Variants in TOP6BL observed in about 807,000 individuals in gnomAD.
TOP6BL encodes the protein type 2 DNA topoisomerase 6 subunit B-like.
chr11:66,800,701 G>A, the TOP6BL span: 1 of 1,598,116 alleles, frequency 6.3e-7, no homozygotes, highest in Non-Finnish European at 8.5e-7. Flanking sequence ...CTTTGGGTAA[G>A]TTCTTAGGTC....
the TOP6BL span, among the ~76,000 whole-genome samples, chr11:66,794,159 T>C: frequency 6.7e-6 from 1 of 150,156 alleles, no homozygotes; most frequent in South Asian, 2.1e-4. Flanking sequence ...ATTGTAATAG[T>C]TTATCCTTCT....
At chr11:66,843,379 G>A in the TOP6BL span, 19 of 1,432,772 alleles carry the variant, frequency 1.3e-5, no homozygotes, top group East Asian at 4.8e-4. Flanking sequence ...GGCGGGGCGT[G>A]GAGCCGCGCC....
At chr11:66,841,243 G>A in the TOP6BL span, among the ~76,000 whole-genome samples, 1 of 150,384 alleles carries the variant, frequency 6.6e-6, no homozygotes, top group Admixed American at 6.7e-5. Flanking sequence ...CTCAGCCTCT[G>A]AGTAGTTGGG....
the TOP6BL span, chr11:66,800,958 G>A: frequency 7.2e-6 from 11 of 1,534,638 alleles, no homozygotes; most frequent in East Asian, 2.3e-5. Context: ...GTAGTCATGG[G>A]CCAAAATTTA....
At chr11:66,788,319 T>C in the TOP6BL span, 2 of 1,315,912 alleles carry the variant, frequency 1.5e-6, no homozygotes, top group Non-Finnish European at 2.2e-6. Flanking sequence ...ATTCTTATTT[T>C]TCTGCAATCT....
the TOP6BL span, among the ~76,000 whole-genome samples, chr11:66,824,130 A>C: frequency 1.3e-5 from 2 of 152,178 alleles, no homozygotes; most frequent in Non-Finnish European, 2.9e-5. Context: ...TATATCCCCA[A>C]AATTCATATG....
the TOP6BL span, among the ~76,000 whole-genome samples, chr11:66,777,861 G>A: frequency 1.3e-5 from 2 of 152,116 alleles, no homozygotes; most frequent in Non-Finnish European, 2.9e-5. Flanking sequence ...ATCAAAGCAA[G>A]ACTCCATCCC....
chr11:66,832,530 T>A, the TOP6BL span, among the ~76,000 whole-genome samples: 1 of 152,348 alleles, frequency 6.6e-6, no homozygotes, highest in East Asian at 1.9e-4. Flanking sequence ...CAAAGCATCT[T>A]ATGGACTTTA....
chr11:66,799,718 CA>C, the TOP6BL span, among the ~76,000 whole-genome samples: 7,010 of 136,312 alleles, frequency 0.051, 205 homozygotes, highest in Non-Finnish European at 0.078. Context: ...AACTCCGTCT[CA>C]AAAAAAAAAA....
chr11:66,836,960 A>G, the TOP6BL span, among the ~76,000 whole-genome samples: 1 of 151,642 alleles, frequency 6.6e-6, no homozygotes, highest in South Asian at 2.1e-4. Context: ...CAGTCTCCCA[A>G]AGTGCTGGGA....
At chr11:66,819,401 T>A in the TOP6BL span, among the ~76,000 whole-genome samples, 1 of 152,198 alleles carries the variant, frequency 6.6e-6, no homozygotes, top group East Asian at 1.9e-4. Context: ...AAAACCAAAC[T>A]ATGGAAAATA....
the TOP6BL span, chr11:66,838,542 A>G: frequency 8.9e-7 from 1 of 1,126,964 alleles, no homozygotes; most frequent in East Asian, 2.6e-5. Context: ...ACCTTCTACT[A>G]CAGCGGCGTC....
the TOP6BL span, chr11:66,816,074 G>A: frequency 2.5e-6 from 4 of 1,603,012 alleles, no homozygotes; most frequent in South Asian, 1.1e-5. Flanking sequence ...CCAGATGTGA[G>A]TTATCAGGTG....
At chr11:66,762,847 A>T in the TOP6BL span, among the ~76,000 whole-genome samples, 1 of 152,214 alleles carries the variant, frequency 6.6e-6, no homozygotes, top group Admixed American at 6.5e-5. Context: ...TACTCTAAAG[A>T]CACAAATATA....
chr11:66,796,769 C>T, the TOP6BL span, among the ~76,000 whole-genome samples: 5 of 141,984 alleles, frequency 3.5e-5, no homozygotes, highest in South Asian at 2.2e-4. Flanking sequence ...GGTGACAGAG[C>T]GAGACCCTGT....
At chr11:66,760,957 C>T in the TOP6BL span, among the ~76,000 whole-genome samples, 4 of 149,762 alleles carry the variant, frequency 2.7e-5, no homozygotes, top group South Asian at 6.3e-4. Flanking sequence ...TGAATTTATA[C>T]CCAAATTTAT....
the TOP6BL span, among the ~76,000 whole-genome samples, chr11:66,770,182 C>A: frequency 6.6e-6 from 1 of 152,132 alleles, no homozygotes; most frequent in South Asian, 2.1e-4. Context: ...AGGAAGAGAG[C>A]CCTCATCAGG....
At chr11:66,832,098 T>C in the TOP6BL span, among the ~76,000 whole-genome samples, 2 of 148,598 alleles carry the variant, frequency 1.3e-5, no homozygotes, top group African/African-American at 2.5e-5. Context: ...GGACACTTTC[T>C]TTTTTTTTTC....
At chr11:66,797,278 G>C in the TOP6BL span, among the ~76,000 whole-genome samples, 2 of 151,986 alleles carry the variant, frequency 1.3e-5, no homozygotes, top group Non-Finnish European at 1.5e-5. Flanking sequence ...GGGATTACAG[G>C]CCTGAGTCAC....
Sources: allele counts gnomAD v4.1 joint callset (sites outside exome capture counted in the v4.1 genomes callset), GRCh38; gene constraint gnomAD v4.1.1; transcripts MANE v1.5; gene names NCBI Gene and HGNC (gene_info 2026-07-23, HGNC 2026-07-21).